The following GRM7 variants were observed in gnomAD, a reference collection of about 807,000 sequenced individuals.
GRM7 encodes the protein glutamate metabotropic receptor 7.
GRM7 carries 35 observed loss-of-function variants against 84.5 expected under a neutral mutation model. The observed-to-expected ratio is 0.41, with a 90% CI of 0.32 to 0.55. The LOEUF (loss-of-function observed/expected upper bound fraction) is 0.55. Among genes scored for constraint, GRM7 ranks in the 20% least tolerant of loss-of-function variants. GRM7 has a pLI of 0.19. For missense variants in GRM7, 1,003 were observed against 1,194.6 expected (o/e 0.84, Z 2.36); for synonymous variants, 487 against 455.1 (o/e 1.07, Z -0.89).
At chr3:7,704,571 G>C (rs56352584) in intron 9 of GRM7, among the ~76,000 whole-genome samples, 37 of 152,202 alleles carry the variant, frequency 2.4e-4, no homozygotes, top group African/African-American at 8.7e-4. Context: ...TCCTATCCAA[G>C]CTTTAAGTTT....
intron 1 of GRM7, among the ~76,000 whole-genome samples, chr3:6,978,412 G>T (rs1694077719): frequency 6.6e-6 from 1 of 152,012 alleles, no homozygotes; most frequent in Non-Finnish European, 1.5e-5. Flanking sequence ...CTTAGTTTGT[G>T]GTAATTTTTT....
chr3:7,733,273 C>G (rs56680976), intron 9 of GRM7, among the ~76,000 whole-genome samples: 87 of 152,236 alleles, frequency 5.7e-4, no homozygotes, highest in Admixed American at 1.2e-3. Flanking sequence ...CATGAACACA[C>G]TGAAGAGTGA....
chr3:7,427,292 A>G (rs1696649310), intron 5 of GRM7, among the ~76,000 whole-genome samples: 1 of 152,184 alleles, frequency 6.6e-6, no homozygotes, highest in Admixed American at 6.5e-5. Flanking sequence ...CTCAGCTTTG[A>G]CCACATCTTC....
chr3:7,634,470 CT>C (rs145705422), intron 8 of GRM7, among the ~76,000 whole-genome samples: 3 of 84,296 alleles, frequency 3.6e-5, no homozygotes, highest in African/African-American at 1.7e-4. Context: ...CAACTTTGCA[CT>C]TTTTTTCCAA....
At chr3:7,728,500 G>C (rs1364744938) in intron 9 of GRM7, among the ~76,000 whole-genome samples, 1 of 152,126 alleles carries the variant, frequency 6.6e-6, no homozygotes, top group Non-Finnish European at 1.5e-5. Flanking sequence ...GTACTGGAGT[G>C]ATTACTTCTA....
rs1015256954 is a variant in GRM7 at position 7,188,152 on chromosome 3, G to A, written c.736+41484G>A. 2.6e-5 allele frequency among the ~76,000 whole-genome samples: 4 copies of A among 152,122 alleles called. No homozygotes were observed. Among genetic ancestry groups the A allele is most frequent in the Non-Finnish European group, 4.4e-5 (3 of 68,042 alleles). The stretch of plus-strand genomic sequence containing the variant: ...AGGACAGAGAAGGGCTATGACGTGA[G>A]AAAGGGACCTGTCGGAAGTGAGGAA... On this transcript the variant is annotated intron_variant, in intron 2 of 9. Coordinates refer to ENST00000357716, the MANE Select transcript of GRM7 (RefSeq NM_000844.4). The surrounding 1 kb of genome is among the most constrained non-coding windows in gnomAD (Gnocchi z 4.2).
intron 1 of GRM7, among the ~76,000 whole-genome samples, chr3:7,018,843 T>C: frequency 6.6e-6 from 1 of 152,194 alleles, no homozygotes; most frequent in East Asian, 1.9e-4. Flanking sequence ...ACGCCTGTAA[T>C]CTTAGTACTT....
intron 2 of GRM7, among the ~76,000 whole-genome samples, chr3:7,286,463 G>T (rs972168938): frequency 6.6e-6 from 1 of 152,054 alleles, no homozygotes; most frequent in Admixed American, 6.6e-5. Context: ...AATGATTTGC[G>T]GATTCAGCTA....
Position 7,703,319 on chromosome 3 carries a change from A to AC in GRM7, c.2698+23031dup, listed in dbSNP as rs551205795. On this transcript the variant is annotated intron_variant, in intron 9 of 9. Coordinates refer to ENST00000357716, the MANE Select transcript of GRM7 (RefSeq NM_000844.4). The stretch of plus-strand genomic sequence containing the variant: ...AGATCCATTAATCTGTGTTTTAACA[A>AC]CCCCCCCAAGTAAGTCCGATGCATG... Among the ~76,000 whole-genome samples the AC allele has an allele frequency of 7.9e-4, 120 of 152,130 alleles. No individual in the cohort carries two copies. In the South Asian group the frequency reaches 0.023, roughly 29 times the overall value.
chr3:7,603,819 ATAAC>A (rs563460750), intron 8 of GRM7, among the ~76,000 whole-genome samples: 97 of 152,310 alleles, frequency 6.4e-4, no homozygotes, highest in African/African-American at 1.9e-3. Context: ...ATTTTATTAT[ATAAC>A]TAACTAATTT....
intron 1 of GRM7, among the ~76,000 whole-genome samples, chr3:7,066,872 G>A (rs1007869155): frequency 4.6e-5 from 7 of 151,784 alleles, no homozygotes; most frequent in African/African-American, 7.3e-5. Flanking sequence ...TTTAACATAC[G>A]CAAGTCAGTA....
At chr3:7,638,381 C>A (rs1051649394) in intron 8 of GRM7, among the ~76,000 whole-genome samples, 80 of 152,054 alleles carry the variant, frequency 5.3e-4, no homozygotes, top group African/African-American at 1.8e-3. Flanking sequence ...CAAAATAACT[C>A]TCTAAGGAAG....
At chr3:7,068,192 G>A (rs370325786) in intron 1 of GRM7, among the ~76,000 whole-genome samples, 2 of 151,966 alleles carry the variant, frequency 1.3e-5, no homozygotes, top group Admixed American at 1.3e-4. Context: ...TAGAATAAAT[G>A]TAACATGTAC....
At chr3:6,922,594 T>A (rs972366364) in intron 1 of GRM7, among the ~76,000 whole-genome samples, 1 of 152,202 alleles carries the variant, frequency 6.6e-6, no homozygotes, top group Admixed American at 6.5e-5. Context: ...ATGATAGATA[T>A]GGGAAATACT....
chr3:7,178,487 G>T (rs761728937), intron 2 of GRM7, among the ~76,000 whole-genome samples: 4 of 152,026 alleles, frequency 2.6e-5, no homozygotes, highest in Non-Finnish European at 5.9e-5. Flanking sequence ...AGAGCTCACT[G>T]CTTAGCTCCT....
At chr3:7,339,451 C>A (rs1353000517) in intron 4 of GRM7, among the ~76,000 whole-genome samples, 1 of 152,124 alleles carries the variant, frequency 6.6e-6, no homozygotes, top group Non-Finnish European at 1.5e-5. Flanking sequence ...AGCAGCTTAT[C>A]TAGAGTTTCT....
chr3:7,685,777 G>GGTAT (rs1197791470), intron 9 of GRM7, among the ~76,000 whole-genome samples: 2 of 150,656 alleles, frequency 1.3e-5, no homozygotes, highest in African/African-American at 4.9e-5. Context: ...AATATAAGGA[G>GGTAT]GTATGTTATT....
At chr3:7,068,942 C>T (rs754357888) in intron 1 of GRM7, among the ~76,000 whole-genome samples, 26 of 151,750 alleles carry the variant, frequency 1.7e-4, no homozygotes, top group African/African-American at 5.1e-4. Context: ...ACTTTTAGTT[C>T]TGCTTTTCTC....
At chr3:7,041,016 A>G (rs192682048) in intron 1 of GRM7, among the ~76,000 whole-genome samples, 2 of 151,564 alleles carry the variant, frequency 1.3e-5, no homozygotes, top group African/African-American at 4.8e-5. Context: ...CTGGGAGGTT[A>G]AGGCTGCAAG....
Sources: allele counts gnomAD v4.1 joint callset (sites outside exome capture counted in the v4.1 genomes callset), GRCh38; gene constraint gnomAD v4.1.1; non-coding constraint Gnocchi (gnomAD v3.1); transcripts MANE v1.5; gene names NCBI Gene and HGNC (gene_info 2026-07-23, HGNC 2026-07-21).